The following PIAS1 variants were observed in gnomAD, a reference collection of about 807,000 sequenced individuals.
PIAS1 encodes E3 SUMO-protein ligase PIAS1.
A neutral mutation model predicts 71.3 loss-of-function variants in PIAS1; 6 were observed. The ratio of observed to expected loss-of-function variants is 0.08; its 90% CI spans 0.05 to 0.17. PIAS1 has a LOEUF of 0.17. Among genes scored for constraint, PIAS1 ranks in the 10% least tolerant of loss-of-function variants. PIAS1 has a pLI of 1.00. For synonymous variants in PIAS1, 303 were observed against 292.9 expected, an observed-to-expected ratio of 1.03 and a Z score of -0.35; for missense variants, 555 against 793.6, an observed-to-expected ratio of 0.70 and a Z score of 3.61.
intron 2 of PIAS1, among the ~76,000 whole-genome samples, chr15:68,140,277 T>C (rs888554725): frequency 1.3e-5 from 2 of 152,220 alleles, no homozygotes; most frequent in Non-Finnish European, 1.5e-5. Flanking sequence ...GAGAGTAATA[T>C]GAATTTTTGG....
At position 68,176,584 on chromosome 15, in the gene PIAS1, G is replaced by C. The variant is rs2093021534; in HGVS notation, c.1411G>C (p.Glu471Gln). 6.2e-7 allele frequency: 1 copy of C among 1,613,032 alleles called. No individual in the cohort carries two copies. Among genetic ancestry groups the C allele is most frequent in the African/African-American group, 1.3e-5 (1 of 75,000 alleles). The change falls in exon 11 of 14, where the codon GAG (glutamate) becomes CAG (glutamine). Residue 471 changes from glutamate (E) to glutamine (Q), a missense_variant. By Grantham distance (29) the Glu-to-Gln change is conservative. Coordinates refer to ENST00000249636, the MANE Select transcript of PIAS1 (RefSeq NM_016166.3). ...AACCATAGACAGTTCATCTGATGAA[G>C]AGGAAGAAGAGCCATCTGCCAAGAG... ...DLTIDSSSDE[E>Q]EEEPSAKRTC...
chr15:68,100,419 C>A (rs1304648589), intron 2 of PIAS1, among the ~76,000 whole-genome samples: 1 of 152,182 alleles, frequency 6.6e-6, no homozygotes, highest in Admixed American at 6.5e-5. Flanking sequence ...GATAACCTCA[C>A]CCACTCTCTC....
In PIAS1 at chr15:68,054,609, G is replaced by A. The variant is rs555302514; in HGVS notation, c.24+259G>A. On this transcript the variant is annotated intron_variant, in intron 1 of 13. Transcript: ENST00000249636. The surrounding 1 kb of genome is among the most constrained non-coding windows in gnomAD (Gnocchi z 4.6). ...GGCGCCTCTGGCGGGGGTGGCGGGG[G>A]AAGAGATAGGGAGTCCGGAGGTAGG... The A allele has an allele frequency of 1.3e-4, 54 of 420,034 alleles. 1 individual carries two copies. The South Asian group carries it at 2.1e-3, about 17-fold the overall frequency. The allele number at this position is 420,034 out of a possible 1,614,324, so 26.0% of individuals were successfully genotyped here. A position where few individuals can be genotyped will look rare whatever the true frequency, so the allele number is the denominator to read the frequency against.
rs539034400 is a variant in PIAS1 at position 68,181,608 on chromosome 15, G to C, written c.1624+254G>C. 2.3e-5 allele frequency: 8 copies of C among 355,194 alleles called. No homozygotes were observed. In the South Asian group the frequency reaches 3.1e-4, roughly 14 times the overall value. The allele number at this position is 355,194 out of a possible 1,614,324, so 22.0% of individuals were successfully genotyped here. A position where few individuals can be genotyped will look rare whatever the true frequency, so the allele number is the denominator to read the frequency against. ...TAATCTTTAGTTTTTGTGAGCTCCTGAGTACTCTGCAAATTGTTTTTGAAT... is the reference window on the plus strand; with the variant it reads ...TAATCTTTAGTTTTTGTGAGCTCCTCAGTACTCTGCAAATTGTTTTTGAAT... On this transcript the variant is annotated intron_variant, in intron 12 of 13. Coordinates refer to ENST00000249636, the MANE Select transcript of PIAS1 (RefSeq NM_016166.3).
intron 7 of PIAS1, among the ~76,000 whole-genome samples, chr15:68,154,527 G>C (rs1451132639): frequency 6.6e-6 from 1 of 152,176 alleles, no homozygotes; most frequent in African/African-American, 2.4e-5. Flanking sequence ...TTTGTACTTA[G>C]GAACACTCTG....
chr15:68,055,320 C>T (rs2091883878), intron 1 of PIAS1: 4 of 445,780 alleles, frequency 9.0e-6, no homozygotes, highest in Non-Finnish European at 1.2e-5. Flanking sequence ...ATTCTCCCCT[C>T]ATGCTACTCC....
intron 12 of PIAS1, 150 bp from the exon 13 acceptor site, chr15:68,183,480 A>C (rs775347891): frequency 1.8e-6 from 1 of 561,100 alleles, no homozygotes; most frequent in Non-Finnish European, 3.3e-6. Flanking sequence ...GAAAGGAGAG[A>C]CGTAAAACGT....
intron 1 of PIAS1, among the ~76,000 whole-genome samples, chr15:68,064,092 G>T (rs2091990254): frequency 6.6e-6 from 1 of 152,124 alleles, no homozygotes; most frequent in Admixed American, 6.5e-5. Flanking sequence ...AAGAACTTGT[G>T]CAGTTGAGTT....
chr15:68,106,275 T>TACCTC (rs898830232), intron 2 of PIAS1, among the ~76,000 whole-genome samples: 2 of 147,850 alleles, frequency 1.4e-5, no homozygotes, highest in African/African-American at 5.0e-5. Context: ...TGGCTATTTG[T>TACCTC]ACCTCACCTG....
chr15:68,155,738 C>T (rs2092884479), intron 7 of PIAS1, among the ~76,000 whole-genome samples: 1 of 152,172 alleles, frequency 6.6e-6, no homozygotes, highest in East Asian at 1.9e-4. Flanking sequence ...TTTTGTCTTG[C>T]AGTTTCTGCC....
Position 68,145,903 on chromosome 15 carries a change from T to C in PIAS1, c.690T>C (p.Leu230=). Residue 230 remains leucine (L), a synonymous_variant, in exon 5 of 14, where the codon CTT becomes CTC. Coordinates refer to ENST00000249636, the MANE Select transcript of PIAS1 (RefSeq NM_016166.3). The stretch of plus-strand genomic sequence containing the variant: ...AAGTGAATACAAAACCTTGCAGCCT[T>C]CCAGTAAGTCCTAAGAGCTGTTTTT... ...CVKVNTKPCS[L]PGYLPPTKNG... 1 of 1,582,918 alleles carries C rather than the reference T, an allele frequency of 6.3e-7. No homozygotes were observed. Among genetic ancestry groups the C allele is most frequent in the Non-Finnish European group, 8.7e-7 (1 of 1,151,884 alleles).
In PIAS1 at chr15:68,167,075, C is replaced by G. The variant is rs935070763; in HGVS notation, c.1008+2271C>G. Among the ~76,000 whole-genome samples, 1 of 152,194 alleles carries G rather than the reference C, an allele frequency of 6.6e-6. No homozygotes were observed. The highest frequency in any genetic ancestry group is 1.5e-5 in the Non-Finnish European group (1 of 68,032). On this transcript the variant is annotated intron_variant, in intron 8 of 13. Coordinates refer to ENST00000249636, the MANE Select transcript of PIAS1 (RefSeq NM_016166.3). The surrounding 1 kb of genome is among the most constrained non-coding windows in gnomAD (Gnocchi z 4.4). ...CTCCTGGCCTCAAGCAATCCTCCTG[C>G]CTTGGCCTCCCTTGGGATTACAGGC... is the stretch of plus-strand genomic sequence containing the variant.
chr15:68,098,926 T>C (rs2092400529), intron 2 of PIAS1, among the ~76,000 whole-genome samples: 1 of 152,148 alleles, frequency 6.6e-6, no homozygotes, highest in Non-Finnish European at 1.5e-5. Flanking sequence ...TAAATATTTT[T>C]TGTAGATGTT....
Position 68,173,915 on chromosome 15 carries a change from G to T in PIAS1, c.1169+23G>T. On this transcript the variant is annotated intron_variant, in intron 9 of 13. Transcript: ENST00000249636. The surrounding 1 kb of genome is among the most constrained non-coding windows in gnomAD (Gnocchi z 4.3). The stretch of plus-strand genomic sequence containing the variant: ...TGGGTATGTTACTTTAAGTGTTTTT[G>T]GTACCTTGAAATGACCATATATTAT... The T allele has an allele frequency of 7.0e-7, 1 of 1,430,942 alleles. No homozygotes were observed. The highest frequency in any genetic ancestry group is 1.6e-5 in the South Asian group (1 of 61,894). 88.6% of individuals were successfully genotyped at this position (1,430,942 alleles called of 1,614,324 possible).
At chr15:68,088,955 A>G (rs555360177) in intron 2 of PIAS1, among the ~76,000 whole-genome samples, 1 of 152,218 alleles carries the variant, frequency 6.6e-6, no homozygotes, top group Non-Finnish European at 1.5e-5. Context: ...CTAAACGTAC[A>G]TACATTTAAA....
intron 1 of PIAS1, among the ~76,000 whole-genome samples, chr15:68,073,638 A>T (rs977688934): frequency 5.3e-5 from 8 of 152,134 alleles, no homozygotes; most frequent in African/African-American, 1.9e-4. Context: ...AAAGGCTGGG[A>T]TAGGAGGGGG....
chr15:68,155,682 C>T (rs1343068622), intron 7 of PIAS1, among the ~76,000 whole-genome samples: 4 of 152,120 alleles, frequency 2.6e-5, no homozygotes, highest in Admixed American at 1.3e-4. Flanking sequence ...ATTATTTAGA[C>T]TTTTCACAGA....
At chr15:68,055,960 A>G (rs935504419) in intron 1 of PIAS1, 14 of 697,698 alleles carry the variant, frequency 2.0e-5, no homozygotes, top group Middle Eastern at 2.3e-4. Flanking sequence ...TCTAATTACA[A>G]ATTTACTGAA....
intron 6 of PIAS1, among the ~76,000 whole-genome samples, chr15:68,148,157 C>T (rs954050513): frequency 3.3e-5 from 5 of 151,984 alleles, no homozygotes; most frequent in African/African-American, 9.7e-5. Context: ...GCACTTTGAA[C>T]GAGAGAGAGC....
Sources: allele counts gnomAD v4.1 joint callset (sites outside exome capture counted in the v4.1 genomes callset), GRCh38; gene constraint gnomAD v4.1.1; non-coding constraint Gnocchi (gnomAD v3.1); transcripts MANE v1.5; gene names NCBI Gene and HGNC (gene_info 2026-07-23, HGNC 2026-07-21).